The following FAR1 variants were observed in gnomAD, a reference collection of about 807,000 sequenced individuals.
The protein encoded by FAR1 is fatty acyl-CoA reductase 1, also known as male sterility domain-containing protein 2.
A neutral mutation model predicts 61.1 loss-of-function variants in FAR1; 22 were observed. The observed-to-expected ratio is 0.36, with a 90% CI of 0.26 to 0.51. The LOEUF (loss-of-function observed/expected upper bound fraction) is 0.51. Ranked by LOEUF, FAR1 falls within the 20% of genes least tolerant of loss-of-function variation. The pLI, the probability that FAR1 is intolerant of heterozygous loss-of-function variation, is 0.95. For missense variants in FAR1, 359 were observed against 626.9 expected (o/e 0.57, Z 4.56); for synonymous variants, 206 against 209.7 (o/e 0.98, Z 0.15).
At chr11:13,717,271 G>C (rs139896491) in intron 9 of FAR1, among the ~76,000 whole-genome samples, 292 of 152,114 alleles carry the variant, frequency 1.9e-3, no homozygotes, top group African/African-American at 6.7e-3. Context: ...GATTTTGTCA[G>C]CATAGCTCCT....
At chr11:13,695,225 T>G (rs1297513995) in intron 2 of FAR1, among the ~76,000 whole-genome samples, 1 of 151,758 alleles carries the variant, frequency 6.6e-6, no homozygotes, top group Non-Finnish European at 1.5e-5. Context: ...TTTTAGAACA[T>G]TTGAGGCAGG....
At chr11:13,715,143 G>A (rs554206949) in intron 9 of FAR1, among the ~76,000 whole-genome samples, 4 of 152,198 alleles carry the variant, frequency 2.6e-5, no homozygotes, top group South Asian at 2.1e-4. Context: ...GTCAGAAACC[G>A]CGGTAAGAAG....
In FAR1 at chr11:13,708,033, G is replaced by C. The variant is rs1483745263; in HGVS notation, c.499G>C (p.Val167Leu). Reference protein sequence around the residue: ...YCNRKHIDEVVYPPPVDPKKL... With the variant: ...YCNRKHIDEVLYPPPVDPKKL... Reference sequence around the variant, plus strand: ...TAATCGCAAGCATATTGATGAAGTAGTCTATCCACCACCTGTGGATCCCAA... The same window carrying C: ...TAATCGCAAGCATATTGATGAAGTACTCTATCCACCACCTGTGGATCCCAA... The change falls in exon 4 of 12, where the codon GTC becomes CTC. Residue 167 changes from valine (V) to leucine (L), a missense_variant. Transcript: ENST00000354817. The C allele has an allele frequency of 1.2e-6, 2 of 1,608,624 alleles. No individual in the cohort carries two copies. Among genetic ancestry groups the C allele is most frequent in the Admixed American group, 1.7e-5 (1 of 59,192 alleles).
intron 1 of FAR1, among the ~76,000 whole-genome samples, chr11:13,676,702 A>G (rs945339887): frequency 2.0e-5 from 3 of 152,228 alleles, no homozygotes; most frequent in Non-Finnish European, 4.4e-5. Flanking sequence ...CAGAATTCTC[A>G]GGAGATAGGA....
chr11:13,690,670 G>A (rs1315528214), intron 1 of FAR1, among the ~76,000 whole-genome samples: 1 of 152,062 alleles, frequency 6.6e-6, no homozygotes, highest in Non-Finnish European at 1.5e-5. Flanking sequence ...GGTAATGTAA[G>A]TTCTCCATCT....
intron 3 of FAR1, among the ~76,000 whole-genome samples, chr11:13,706,429 A>G (rs902323912): frequency 6.6e-6 from 1 of 152,144 alleles, no homozygotes; most frequent in Non-Finnish European, 1.5e-5. Flanking sequence ...TTGTAGTATC[A>G]ACAACAGTGT....
intron 1 of FAR1, among the ~76,000 whole-genome samples, chr11:13,671,019 T>A (rs894352482): frequency 6.6e-6 from 1 of 152,238 alleles, no homozygotes; most frequent in African/African-American, 2.4e-5. Flanking sequence ...CAGCAAAGCA[T>A]TTTAACTAAT....
intron 11 of FAR1, 144 bp from the exon 12 acceptor site, chr11:13,728,468 C>G (rs1209528422): frequency 1.5e-6 from 1 of 685,870 alleles, no homozygotes; most frequent in Non-Finnish European, 2.4e-6. Flanking sequence ...TCTGTTTTAC[C>G]TACAGTATAC....
At chr11:13,687,238 T>C (rs558836047) in intron 1 of FAR1, among the ~76,000 whole-genome samples, 33 of 152,328 alleles carry the variant, frequency 2.2e-4, no homozygotes, top group African/African-American at 7.5e-4. Context: ...ATTGCTTCTT[T>C]AACTTGAGTC....
chr11:13,719,406 A>T (rs999375954), intron 9 of FAR1, among the ~76,000 whole-genome samples: 2 of 152,182 alleles, frequency 1.3e-5, no homozygotes, highest in Non-Finnish European at 2.9e-5. Context: ...TCAGAAATTT[A>T]TTGAGCACAG....
chr11:13,687,043 T>G (rs1341909560), intron 1 of FAR1, among the ~76,000 whole-genome samples: 2 of 152,222 alleles, frequency 1.3e-5, no homozygotes, highest in African/African-American at 4.8e-5. Flanking sequence ...GGACTTGAAC[T>G]CCTAGCAAGT....
At position 13,731,362 on chromosome 11, in the gene FAR1, A is replaced by C. The variant is rs1848723830; in HGVS notation, c.*2588A>C. On this transcript the variant is annotated 3_prime_UTR_variant, in exon 12 of 12. Transcript: ENST00000354817. ...CCCCCTTTTTTGTGTTGTCTATAGG[A>C]ATTAACTTGGGATTGTTTTGTGGGT... 1 of 152,454 alleles carries C rather than the reference A, an allele frequency of 6.6e-6. No homozygotes were observed. The highest frequency in any genetic ancestry group is 2.4e-5 in the African/African-American group (1 of 41,402). The allele number at this position is 152,454 out of a possible 1,614,324, so 9.4% of individuals were successfully genotyped here. A position where few individuals can be genotyped will look rare whatever the true frequency, so the allele number is the denominator to read the frequency against.
At position 13,719,047 on chromosome 11, in the gene FAR1, A is replaced by ACCT. The variant is rs1176306374; in HGVS notation, c.1128-2683_1128-2682insCCT. Among the ~76,000 whole-genome samples, 15 of 152,314 alleles carry ACCT rather than the reference A, an allele frequency of 9.8e-5. No individual in the cohort carries two copies. In the East Asian group the frequency reaches 2.9e-3, roughly 29 times the overall value. On this transcript the variant is annotated intron_variant, in intron 9 of 11. Coordinates refer to ENST00000354817, the MANE Select transcript of FAR1 (RefSeq NM_032228.6). ...CTACACCTTTCTGACCTAGCCTCGG[A>ACCT]AGTCACATCATGTCACTTCCACCTC...
At chr11:13,693,185 T>C (rs1378204908) in intron 1 of FAR1, among the ~76,000 whole-genome samples, 2 of 152,156 alleles carry the variant, frequency 1.3e-5, no homozygotes, top group Non-Finnish European at 2.9e-5. Context: ...TAACAACAGC[T>C]AATGAGCTTA....
At chr11:13,714,432 TA>T in intron 8 of FAR1, 76 bp from the exon 9 acceptor site, 1 of 1,414,790 alleles carries the variant, frequency 7.1e-7, no homozygotes. Context: ...TTTTGCATTA[TA>T]AAAACATGAT....
chr11:13,698,846 T>A (rs1848338123), intron 2 of FAR1, among the ~76,000 whole-genome samples: 1 of 150,892 alleles, frequency 6.6e-6, no homozygotes, highest in Non-Finnish European at 1.5e-5. Context: ...AAAAAAAAAA[T>A]CTTTATCAGT....
rs140295567 is a variant in FAR1, at chr11:13,730,913, A to G, written c.*2139A>G. On this transcript the variant is annotated 3_prime_UTR_variant, in exon 12 of 12. Transcript: ENST00000354817. ...TCTAAGATTAGTATAAAGAGTATAT[A>G]GATTGTTAATCCCCACCAGCTAGAC... 200 of 152,282 alleles carry G rather than the reference A, an allele frequency of 1.3e-3. No homozygotes were observed. The highest frequency in any genetic ancestry group is 4.7e-3 in the African/African-American group (195 of 41,580). The allele number at this position is 152,282 out of a possible 1,614,324, so 9.4% of individuals were successfully genotyped here.
chr11:13,693,077 G>A (rs931282243), intron 1 of FAR1, among the ~76,000 whole-genome samples: 1 of 152,118 alleles, frequency 6.6e-6, no homozygotes, highest in African/African-American at 2.4e-5. Flanking sequence ...AGAACTCTGC[G>A]TGAGTTTCCT....
chr11:13,706,609 T>G (rs1848435622), intron 3 of FAR1, among the ~76,000 whole-genome samples: 1 of 152,194 alleles, frequency 6.6e-6, no homozygotes, highest in African/African-American at 2.4e-5. Context: ...TTATCTCACA[T>G]ACTTTTTGTG....
Sources: allele counts gnomAD v4.1 joint callset (sites outside exome capture counted in the v4.1 genomes callset), GRCh38; gene constraint gnomAD v4.1.1; transcripts MANE v1.5; gene names NCBI Gene and HGNC (gene_info 2026-07-23, HGNC 2026-07-21).